MYH14: variants seen among roughly 807,000 people sequenced by gnomAD.
MYH14 encodes myosin-14.
A neutral mutation model predicts 255.5 loss-of-function variants in MYH14; 123 were observed. The observed-to-expected ratio is 0.48, with a 90% CI of 0.42 to 0.56. The LOEUF (loss-of-function observed/expected upper bound fraction) is 0.56, where lower values mean the gene tolerates loss of function less well. Among genes scored for constraint, MYH14 ranks in the 20% least tolerant of loss-of-function variants. The pLI is 0.00. For missense variants in MYH14, 2,423 were observed against 2,802.3 expected, an observed-to-expected ratio of 0.86 and a Z score of 3.06; for synonymous variants, 1,095 against 1,161.2, an observed-to-expected ratio of 0.94 and a Z score of 1.16.
rs1036282527 is a variant in MYH14 at position 50,275,862 on chromosome 19, T to G, written c.3468-129T>G. On this transcript the variant is annotated intron_variant, in intron 27 of 42. Transcript: ENST00000642316. ...ATTAGTACTGCAGCCAAGTGCCCAGTGGCAGAGAGAGGATTCTAACCTGGG... is the reference window on the plus strand; with the variant it reads ...ATTAGTACTGCAGCCAAGTGCCCAGGGGCAGAGAGAGGATTCTAACCTGGG... 12 of 687,864 alleles carry G rather than the reference T, an allele frequency of 1.7e-5. No individual in the cohort carries two copies. In the African/African-American group the frequency reaches 2.2e-4, roughly 12 times the overall value. 42.6% of individuals were successfully genotyped at this position (687,864 alleles called of 1,614,324 possible).
At chr19:50,295,210 A>G (rs891381941) in intron 39 of MYH14, among the ~76,000 whole-genome samples, 1 of 152,050 alleles carries the variant, frequency 6.6e-6, no homozygotes, top group Non-Finnish European at 1.5e-5. Flanking sequence ...CTGTAGTCCC[A>G]GCTACTCGGG....
intron 3 of MYH14, among the ~76,000 whole-genome samples, chr19:50,218,554 C>T (rs548000556): frequency 2.2e-4 from 34 of 151,862 alleles, no homozygotes; most frequent in African/African-American, 7.0e-4. Flanking sequence ...GCCGAGATCG[C>T]GCCACTGCAC....
At position 50,266,959 on chromosome 19, in the gene MYH14, A is replaced by G. The variant is rs1216415544; in HGVS notation, c.2777A>G (p.Gln926Arg). Residue 926 changes from glutamine (Q) to arginine (R), a missense_variant, in exon 23 of 43, where the codon CAG (glutamine) becomes CGG (arginine). Physicochemically the swap from Gln to Arg is conservative, Grantham distance 43 (BLOSUM62 1). This residue lies in a region of MYH14 where 1,513 missense variants were observed against 1,674.8 expected (regional missense o/e 0.90). Coordinates refer to ENST00000642316, the MANE Select transcript of MYH14 (RefSeq NM_001145809.2). The surrounding 1 kb of genome is among the most constrained non-coding windows in gnomAD (Gnocchi z 4.1). ...GAGCTGCAGAAAGTGCAGGAGCTAC[A>G]GCAGCAGAGCGCCCGCGAAGTTGGG... ...AQELQKVQELQQQSAREVGEL... is the reference protein window; with the variant it reads ...AQELQKVQELRQQSAREVGEL... 1 of 1,565,202 alleles carries G rather than the reference A, an allele frequency of 6.4e-7. No homozygotes were observed.
At chr19:50,242,112 C>A (rs2033916463) in intron 10 of MYH14, among the ~76,000 whole-genome samples, 1 of 152,198 alleles carries the variant, frequency 6.6e-6, no homozygotes, top group Non-Finnish European at 1.5e-5. Flanking sequence ...TAGAAACCGT[C>A]CGCATCCAAG....
At chr19:50,282,382 C>G (rs1044852789) in intron 33 of MYH14, among the ~76,000 whole-genome samples, 3 of 152,238 alleles carry the variant, frequency 2.0e-5, no homozygotes, top group Admixed American at 6.5e-5. Flanking sequence ...CTCAACCTCT[C>G]TGTGCTTTAT....
rs375040948 is a variant in MYH14, at chr19:50,246,685, C to T, written c.1211-319C>T. On this transcript the variant is annotated intron_variant, in intron 11 of 42. Coordinates refer to ENST00000642316, the MANE Select transcript of MYH14 (RefSeq NM_001145809.2). ...AACATTCTTTCAAATGAATGAAGCC[C>T]GACCCATCTAACCAATTCCCGCTTC... 1.4e-4 allele frequency among the ~76,000 whole-genome samples: 21 copies of T among 152,158 alleles called. No individual in the cohort carries two copies. In the East Asian group the frequency reaches 2.3e-3, roughly 17 times the overall value.
At chr19:50,260,859 A>G (rs12981923) in intron 20 of MYH14, 144 bp downstream of exon 20, 107 of 674,156 alleles carry the variant, frequency 1.6e-4, no homozygotes, top group Admixed American at 1.1e-4. Context: ...GTGTGTGTGC[A>G]TGCATATGTG....
At chr19:50,208,586 C>T (rs2123147119) in intron 1 of MYH14, among the ~76,000 whole-genome samples, 1 of 152,210 alleles carries the variant, frequency 6.6e-6, no homozygotes, top group African/African-American at 2.4e-5. Flanking sequence ...TATCTGTCTC[C>T]TGGGATTACA....
In MYH14 at chr19:50,309,861, T is replaced by C. The variant is rs572631657; in HGVS notation, c.*71T>C. The C allele has an allele frequency of 8.3e-6, 12 of 1,447,446 alleles. No homozygotes were observed. In the South Asian group the frequency reaches 1.2e-4, roughly 15 times the overall value. 89.7% of individuals were successfully genotyped at this position (1,447,446 alleles called of 1,614,324 possible). The stretch of plus-strand genomic sequence containing the variant: ...TTCCTCCCTGGACCCCACGGGCCCC[T>C]GTCCCAGGAACCCCGCCCTCTGACT... On this transcript the variant is annotated 3_prime_UTR_variant, in exon 43 of 43. Coordinates refer to ENST00000642316, the MANE Select transcript of MYH14 (RefSeq NM_001145809.2).
At chr19:50,289,126 T>A (rs983346545) in intron 34 of MYH14, among the ~76,000 whole-genome samples, 2 of 151,954 alleles carry the variant, frequency 1.3e-5, no homozygotes, top group Non-Finnish European at 2.9e-5. Context: ...ATTACAAAAC[T>A]CAGAGGGAAT....
intron 15 of MYH14, among the ~76,000 whole-genome samples, chr19:50,251,551 C>T (rs189073439): frequency 0.075 from 10,456 of 138,946 alleles, 536 homozygotes; most frequent in Admixed American, 0.13. Context: ...CACACACACA[C>T]ACACACACAC....
At chr19:50,217,570 C>T (rs569334529) in intron 2 of MYH14, 45 bp from the exon 3 acceptor site, 159 of 1,613,546 alleles carry the variant, frequency 9.9e-5, no homozygotes, top group Non-Finnish European at 1.3e-4. Flanking sequence ...GCCTTTCAGG[C>T]CGTGGGCAGC....
chr19:50,215,439 C>A (rs12981844), intron 2 of MYH14, among the ~76,000 whole-genome samples: 104 of 152,130 alleles, frequency 6.8e-4, no homozygotes, highest in Non-Finnish European at 5.3e-4. Flanking sequence ...ACCCTCCCAC[C>A]GTTAGAAGGT....
chr19:50,244,123 A>T, intron 10 of MYH14, 119 bp from the exon 11 acceptor site: 2 of 790,606 alleles, frequency 2.5e-6, no homozygotes, highest in Non-Finnish European at 4.2e-6. Context: ...AGTAGATTTT[A>T]AGCTGAGGGG....
At chr19:50,223,592 T>C (rs1419134807) in intron 5 of MYH14, among the ~76,000 whole-genome samples, 2 of 152,164 alleles carry the variant, frequency 1.3e-5, no homozygotes, top group Non-Finnish European at 2.9e-5. Context: ...AGTAGGTGCT[T>C]TCTTTTCTGA....
chr19:50,236,464 C>T (rs1271295354), intron 10 of MYH14, among the ~76,000 whole-genome samples: 1 of 152,098 alleles, frequency 6.6e-6, no homozygotes, highest in Non-Finnish European at 1.5e-5. Flanking sequence ...AATCCCAGCA[C>T]TTTGGGAGGC....
rs2035534765 is a variant in MYH14 at position 50,276,970 on chromosome 19, A to G, written c.3825+69A>G. On this transcript the variant is annotated intron_variant, in intron 29 of 42. Transcript: ENST00000642316. The surrounding 1 kb of genome is among the most constrained non-coding windows in gnomAD (Gnocchi z 4.3). Reference sequence around the variant, plus strand: ...GCAGGGCAGGACGCGGGGTTGGAGGAGGTACCGCTGGCTGGTTCTAGGCTA... The same window carrying G: ...GCAGGGCAGGACGCGGGGTTGGAGGGGGTACCGCTGGCTGGTTCTAGGCTA... The G allele has an allele frequency of 3.1e-6, 4 of 1,282,336 alleles. No homozygotes were observed. Among genetic ancestry groups the G allele is most frequent in the Middle Eastern group, 5.4e-4 (2 of 3,734 alleles). The allele number at this position is 1,282,336 out of a possible 1,614,324, so 79.4% of individuals were successfully genotyped here.
rs754052834 is a variant in MYH14, at chr19:50,271,833, C to T, written c.3172-16C>T. Reference sequence around the variant, plus strand: ...CAACTCCTCCTGACTGCCCCCCATCCCACTCCACCCCTCAGGAGCGGAAGC... The same window carrying T: ...CAACTCCTCCTGACTGCCCCCCATCTCACTCCACCCCTCAGGAGCGGAAGC... On this transcript the variant is annotated splice_polypyrimidine_tract_variant and intron_variant, in intron 25 of 42. Transcript: ENST00000642316. 4 of 1,612,646 alleles carry T rather than the reference C, an allele frequency of 2.5e-6. No individual in the cohort carries two copies. In the East Asian group the frequency reaches 6.7e-5, roughly 27 times the overall value.
Position 50,249,483 on chromosome 19 carries a change from CT to C in MYH14, c.1483-166del, listed in dbSNP as rs1239916092. Reference sequence around the variant, plus strand: ...TGTCCCCTGTCTCTGGCTCTGTCCCCTGTCTCTGGGTCTCTGTCCCCCTCTC... The same window carrying C: ...TGTCCCCTGTCTCTGGCTCTGTCCCCGTCTCTGGGTCTCTGTCCCCCTCTC... On this transcript the variant is annotated intron_variant, in intron 13 of 42. Coordinates refer to ENST00000642316, the MANE Select transcript of MYH14 (RefSeq NM_001145809.2). 7.7e-6 allele frequency: 6 copies of C among 774,596 alleles called. No homozygotes were observed. In the East Asian group the frequency reaches 1.3e-4, roughly 17 times the overall value. The allele number at this position is 774,596 out of a possible 1,614,324, so 48.0% of individuals were successfully genotyped here. A position where few individuals can be genotyped will look rare whatever the true frequency, so the allele number is the denominator to read the frequency against.
Sources: allele counts gnomAD v4.1 joint callset (sites outside exome capture counted in the v4.1 genomes callset), GRCh38; gene constraint gnomAD v4.1.1; regional missense constraint gnomAD v4.1.1; non-coding constraint Gnocchi (gnomAD v3.1); transcripts MANE v1.5; gene names NCBI Gene and HGNC (gene_info 2026-07-23, HGNC 2026-07-21).